Variants in SCAF11 observed in about 807,000 individuals in gnomAD.
The protein encoded by SCAF11 is protein SCAF11.
Under a neutral mutation model 140.5 loss-of-function variants are expected in SCAF11, and 47 were observed. The observed-to-expected ratio is 0.33, with a 90% CI of 0.26 to 0.43. The LOEUF is 0.43. Ranked by LOEUF, SCAF11 falls within the 20% of genes least tolerant of loss-of-function variation. SCAF11 has a pLI of 1.00. For synonymous variants in SCAF11, 557 were observed against 579.4 expected, an observed-to-expected ratio of 0.96 and a Z score of 0.55; for missense variants, 1,645 against 1,705.1, an observed-to-expected ratio of 0.96 and a Z score of 0.62.
At chr12:45,956,123 C>T (rs1049166886) in intron 3 of SCAF11, 33 of 716,452 alleles carry the variant, frequency 4.6e-5, no homozygotes, top group Middle Eastern at 2.3e-4. Flanking sequence ...TCAGGATCCT[C>T]GATTTCTAAT....
rs10880877 is a variant in SCAF11 at position 45,972,921 on chromosome 12, G to T, written c.-21-8733C>A. On this transcript the variant is annotated intron_variant, in intron 1 of 14. Coordinates refer to ENST00000369367, the MANE Select transcript of SCAF11 (RefSeq NM_004719.3). ...ATATATATATATAGATATATATATA[G>T]ATATATAGATATATATAGATATATA... Among the ~76,000 whole-genome samples, 128 of 59,678 alleles carry T rather than the reference G, an allele frequency of 2.1e-3. 6 individuals carry two copies. The highest frequency in any genetic ancestry group is 0.018 in the East Asian group (72 of 4,024). The allele number at this position is 59,678 out of a possible 152,430, so 39.2% of individuals were successfully genotyped here. A position where few individuals can be genotyped will look rare whatever the true frequency, so the allele number is the denominator to read the frequency against.
At chr12:45,945,227 C>A (rs760177864) in intron 6 of SCAF11, 22 bp downstream of exon 6, 2 of 1,458,454 alleles carry the variant, frequency 1.4e-6, no homozygotes, top group South Asian at 1.2e-5. Context: ...AAGGTAGAAT[C>A]CACAAGCAAA....
At position 45,926,664 on chromosome 12, in the gene SCAF11, C is replaced by G. The variant is rs1944869563; in HGVS notation, c.3037G>C (p.Ala1013Pro). 6.2e-7 allele frequency: 1 copy of G among 1,613,770 alleles called. No individual in the cohort carries two copies. Among genetic ancestry groups the G allele is most frequent in the Admixed American group, 1.7e-5 (1 of 60,004 alleles). ...GGACAGTCATTTCTATGTTTGTCAG[C>G]AGAATTTGGATCATCAGCATCTAGA... Reference protein sequence around the residue: ...IHLDADDPNSADKHRNDCPNW... With the variant: ...IHLDADDPNSPDKHRNDCPNW... Residue 1013 changes from alanine to proline, a missense_variant, in exon 11 of 15, where the codon GCT becomes CCT. Ala to Pro is a conservative substitution (Grantham distance 27). This residue lies in a region of SCAF11 where 1,582 missense variants were observed against 1,609.2 expected (regional missense o/e 0.98). Coordinates refer to ENST00000369367, the MANE Select transcript of SCAF11 (RefSeq NM_004719.3).
chr12:45,970,147 G>C (rs1006378913), intron 1 of SCAF11, among the ~76,000 whole-genome samples: 6 of 152,092 alleles, frequency 3.9e-5, no homozygotes, highest in Non-Finnish European at 7.4e-5. Context: ...ACCCGCCTTG[G>C]CCTCCCAAAG....
chr12:45,963,802 C>G (rs1945877780), intron 2 of SCAF11, among the ~76,000 whole-genome samples: 1 of 151,998 alleles, frequency 6.6e-6, no homozygotes, highest in African/African-American at 2.4e-5. Flanking sequence ...AGGACAGTAC[C>G]AACGCTAACT....
chr12:45,952,466 G>A (rs1305740458), intron 3 of SCAF11, among the ~76,000 whole-genome samples: 2 of 152,022 alleles, frequency 1.3e-5, no homozygotes, highest in Non-Finnish European at 2.9e-5. Flanking sequence ...TTTTCTTTAA[G>A]CTGCCTATTC....
chr12:45,953,259 A>G (rs1176306352), intron 3 of SCAF11, among the ~76,000 whole-genome samples: 1 of 152,220 alleles, frequency 6.6e-6, no homozygotes, highest in Non-Finnish European at 1.5e-5. Flanking sequence ...ATTTTTTAAT[A>G]ATGCATTGTC....
chr12:45,972,909 G>GTATATATATATATATCGAT (rs1946122773), intron 1 of SCAF11, among the ~76,000 whole-genome samples: 1 of 68,470 alleles, frequency 1.5e-5, no homozygotes, highest in Non-Finnish European at 3.1e-5. Flanking sequence ...TATATATATA[G>GTATATATATATATATCGAT]ATATATATAT....
At position 45,964,692 on chromosome 12, in the gene SCAF11, C is replaced by T. The variant is rs1030397060; in HGVS notation, c.-21-504G>A. Among the ~76,000 whole-genome samples, 3 of 151,658 alleles carry T rather than the reference C, an allele frequency of 2.0e-5. 1 individual carries two copies. Among genetic ancestry groups the T allele is most frequent in the Non-Finnish European group, 4.4e-5 (3 of 67,926 alleles). ...AAAAAAAAAAAACGGAAAGGAAAAG[C>T]CTTTTATAACTATTAAGCAACAAAG... On this transcript the variant is annotated intron_variant, in intron 1 of 14. Coordinates refer to ENST00000369367, the MANE Select transcript of SCAF11 (RefSeq NM_004719.3).
intron 1 of SCAF11, among the ~76,000 whole-genome samples, chr12:45,983,795 CTAA>C (rs1008518849): frequency 9.8e-6 from 1 of 102,156 alleles, no homozygotes; most frequent in African/African-American, 3.0e-5. Context: ...AAAGACTGAA[CTAA>C]TTTTTACCTT....
At chr12:45,961,909 C>T in intron 2 of SCAF11, 52 bp from the exon 3 acceptor site, 1 of 1,497,234 alleles carries the variant, frequency 6.7e-7, no homozygotes, top group East Asian at 2.4e-5. Flanking sequence ...GACCAAAAAT[C>T]TTGTGTTTCT....
In SCAF11 at chr12:45,952,109, G is replaced by C. The variant is rs7964761; in HGVS notation, c.220-382C>G. On this transcript the variant is annotated intron_variant, in intron 3 of 14. Transcript: ENST00000369367. Reference sequence around the variant, plus strand: ...TTCCTCACAAATTTTAATATTCTATGACTTAATATTTTCCCCCCAAATTAG... The same window carrying C: ...TTCCTCACAAATTTTAATATTCTATCACTTAATATTTTCCCCCCAAATTAG... Among the ~76,000 whole-genome samples the C allele has an allele frequency of 7.2e-3, 1,094 of 152,134 alleles. 10 individuals are homozygous for C. Among genetic ancestry groups the C allele is most frequent in the African/African-American group, 0.025 (1,037 of 41,476 alleles).
chr12:45,957,167 C>T (rs1945709718), intron 3 of SCAF11, among the ~76,000 whole-genome samples: 1 of 152,062 alleles, frequency 6.6e-6, no homozygotes, highest in African/African-American at 2.4e-5. Flanking sequence ...ATTTACATTA[C>T]CGTTCACAGA....
chr12:45,991,486 C>CGGGAGGCGGAGGTTGCA (rs1420518027), upstream of SCAF11, among the ~76,000 whole-genome samples: 4 of 152,122 alleles, frequency 2.6e-5, no homozygotes, highest in African/African-American at 4.8e-5. Context: ...CGCTTGAACC[C>CGGGAGGCGGAGGTTGCA]GGGAGGCGGA....
At chr12:45,933,444 T>C (rs553666864) in intron 8 of SCAF11, among the ~76,000 whole-genome samples, 8 of 152,154 alleles carry the variant, frequency 5.3e-5, no homozygotes, top group Non-Finnish European at 1.0e-4. Flanking sequence ...GTTGTATTTA[T>C]ATGATTGTTA....
intron 3 of SCAF11, among the ~76,000 whole-genome samples, chr12:45,958,378 T>C: frequency 6.6e-6 from 1 of 152,356 alleles, no homozygotes; most frequent in Admixed American, 6.5e-5. Context: ...TATATTGTTT[T>C]TGCCCACAAT....
At chr12:45,961,382 C>A in intron 3 of SCAF11, 1 of 709,736 alleles carries the variant, frequency 1.4e-6, no homozygotes, top group South Asian at 1.5e-5. Flanking sequence ...CAGATATTAT[C>A]CTATTAAGCA....
chr12:45,939,350 C>G (rs1022804177), intron 6 of SCAF11, among the ~76,000 whole-genome samples: 2 of 152,118 alleles, frequency 1.3e-5, no homozygotes, highest in Non-Finnish European at 2.9e-5. Context: ...TAGAAAGTCA[C>G]ACACCTATGT....
intron 1 of SCAF11, among the ~76,000 whole-genome samples, chr12:45,969,804 A>C (rs1191968010): frequency 1.3e-5 from 2 of 152,042 alleles, no homozygotes; most frequent in Admixed American, 1.3e-4. Flanking sequence ...TGGCACAATT[A>C]CAGCTCACTG....
Sources: allele counts gnomAD v4.1 joint callset (sites outside exome capture counted in the v4.1 genomes callset), GRCh38; gene constraint gnomAD v4.1.1; regional missense constraint gnomAD v4.1.1; transcripts MANE v1.5; gene names NCBI Gene and HGNC (gene_info 2026-07-23, HGNC 2026-07-21).